TTLL5: variants seen among roughly 807,000 people sequenced by gnomAD.
The protein encoded by TTLL5 is tubulin tyrosine ligase like 5.
TTLL5 carries 132 observed loss-of-function variants against 168.4 expected under a neutral mutation model. The ratio of observed to expected loss-of-function variants is 0.78; its 90% CI spans 0.68 to 0.91. The LOEUF is 0.91. Among genes scored for constraint, TTLL5 ranks in the 40% least tolerant of loss-of-function variants. TTLL5 has a pLI of 0.00. For missense variants in TTLL5, 1,545 were observed against 1,581.5 expected, an observed-to-expected ratio of 0.98 and a Z score of 0.39; for synonymous variants, 546 against 558.6, an observed-to-expected ratio of 0.98 and a Z score of 0.32.
chr14:75,873,346 T>C (rs2031204095), intron 29 of TTLL5, among the ~76,000 whole-genome samples: 2 of 152,172 alleles, frequency 1.3e-5, no homozygotes, highest in South Asian at 4.1e-4. Context: ...AGTGCTGGGA[T>C]TACAGGTGTG....
At chr14:75,951,917 A>G (rs1221100303) in intron 31 of TTLL5, among the ~76,000 whole-genome samples, 2 of 152,224 alleles carry the variant, frequency 1.3e-5, no homozygotes, top group Non-Finnish European at 2.9e-5. Context: ...ATAAGCAACA[A>G]AAGAAGAAAA....
intron 28 of TTLL5, among the ~76,000 whole-genome samples, chr14:75,831,818 T>C (rs901886483): frequency 6.6e-6 from 1 of 152,200 alleles, no homozygotes. Flanking sequence ...GCTTGGCTGT[T>C]GGGAGGGCAA....
chr14:75,772,267 C>T (rs1891381019), intron 21 of TTLL5, among the ~76,000 whole-genome samples: 1 of 152,158 alleles, frequency 6.6e-6, no homozygotes, highest in Admixed American at 6.5e-5. Context: ...AAACAAAGAC[C>T]TCGAGAAGCC....
chr14:75,948,309 A>G (rs1415205184), intron 31 of TTLL5, among the ~76,000 whole-genome samples: 1 of 151,956 alleles, frequency 6.6e-6, no homozygotes, highest in East Asian at 1.9e-4. Context: ...ACATGCTGAA[A>G]CCCTGTCTCT....
chr14:75,854,577 A>G (rs533100829), intron 28 of TTLL5, among the ~76,000 whole-genome samples: 27 of 152,342 alleles, frequency 1.8e-4, no homozygotes, highest in African/African-American at 6.0e-4. Context: ...TAACTTTATA[A>G]GAAACTGACC....
At chr14:75,882,540 A>G (rs2031874100) in intron 29 of TTLL5, 145 bp from the exon 30 acceptor site, 2 of 660,600 alleles carry the variant, frequency 3.0e-6, no homozygotes, top group Non-Finnish European at 5.0e-6. Context: ...TGCACTGGCA[A>G]CATTAGAGAA....
chr14:75,721,674 G>A (rs1441424124), intron 12 of TTLL5, among the ~76,000 whole-genome samples: 2 of 152,210 alleles, frequency 1.3e-5, no homozygotes, highest in Non-Finnish European at 2.9e-5. Flanking sequence ...TAATGGTGGT[G>A]TCTACCTCCT....
rs1198357618 is a variant in TTLL5, at chr14:75,681,530, T to C, written c.182-15T>C. On this transcript the variant is annotated splice_polypyrimidine_tract_variant and intron_variant, in intron 3 of 31. Transcript: ENST00000298832. Reference sequence around the variant, plus strand: ...TAACTTTCTAGTTACTGAACTTGATTCTGTTTTTCTTTAGAACGTTATCAT... The same window carrying C: ...TAACTTTCTAGTTACTGAACTTGATCCTGTTTTTCTTTAGAACGTTATCAT... 1 of 1,610,722 alleles carries C rather than the reference T, an allele frequency of 6.2e-7. No individual in the cohort carries two copies. Among genetic ancestry groups the C allele is most frequent in the East Asian group, 2.2e-5 (1 of 44,852 alleles).
At chr14:75,870,446 T>A (rs1566638746) in intron 29 of TTLL5, among the ~76,000 whole-genome samples, 1 of 151,496 alleles carries the variant, frequency 6.6e-6, no homozygotes, top group Non-Finnish European at 1.5e-5. Flanking sequence ...CTTAATAAGG[T>A]GTTCTTGGGC....
chr14:75,846,078 C>T (rs151213793), intron 28 of TTLL5, among the ~76,000 whole-genome samples: 1 of 152,284 alleles, frequency 6.6e-6, no homozygotes, highest in East Asian at 1.9e-4. Context: ...ATGCCAATTC[C>T]ATAGAGAAGC....
intron 26 of TTLL5, among the ~76,000 whole-genome samples, chr14:75,785,371 G>A (rs1458648450): frequency 6.6e-6 from 1 of 151,850 alleles, no homozygotes; most frequent in Non-Finnish European, 1.5e-5. Flanking sequence ...GTAGAGGTGG[G>A]GTTTCACCAT....
intron 31 of TTLL5, among the ~76,000 whole-genome samples, chr14:75,945,267 AT>A (rs988872116): frequency 1.3e-5 from 2 of 148,468 alleles, no homozygotes; most frequent in East Asian, 2.0e-4. Flanking sequence ...ATAAAAAAAA[AT>A]TTTTTTTGAG....
chr14:75,814,770 C>A (rs940880182), intron 27 of TTLL5: 1 of 152,170 alleles, frequency 6.6e-6, no homozygotes, highest in East Asian at 1.9e-4. Flanking sequence ...TTAGCCAGAT[C>A]TGATTGAGAG....
chr14:75,728,434 G>A (rs935984426), intron 12 of TTLL5, among the ~76,000 whole-genome samples: 2 of 151,960 alleles, frequency 1.3e-5, no homozygotes, highest in African/African-American at 2.4e-5. Flanking sequence ...GAGATTTGGT[G>A]ATATCTTGTA....
intron 29 of TTLL5, among the ~76,000 whole-genome samples, chr14:75,865,919 T>A (rs1056423223): frequency 4.6e-5 from 7 of 152,192 alleles, no homozygotes; most frequent in Admixed American, 4.6e-4. Context: ...AGAAAATCAT[T>A]CATCATAATT....
At chr14:75,944,246 C>T (rs918330699) in intron 31 of TTLL5, among the ~76,000 whole-genome samples, 24 of 152,164 alleles carry the variant, frequency 1.6e-4, no homozygotes, top group African/African-American at 4.6e-4. Context: ...TACCTTCCGC[C>T]GGTAACATAC....
At chr14:75,791,105 C>CAAAAA (rs372035829) in intron 26 of TTLL5, among the ~76,000 whole-genome samples, 1,663 of 76,732 alleles carry the variant, frequency 0.022, 116 homozygotes, top group Middle Eastern at 0.069. Flanking sequence ...GACTCTGTCT[C>CAAAAA]AAAAAAAAAA....
At chr14:75,861,859 C>T (rs2030031767) in intron 28 of TTLL5, among the ~76,000 whole-genome samples, 2 of 152,178 alleles carry the variant, frequency 1.3e-5, no homozygotes, top group African/African-American at 4.8e-5. Context: ...ATATATTTAG[C>T]ATAAAATTTA....
chr14:75,771,462 C>G (rs1891309053), intron 20 of TTLL5, among the ~76,000 whole-genome samples: 1 of 152,056 alleles, frequency 6.6e-6, no homozygotes, highest in South Asian at 2.1e-4. Context: ...AGTAAGAAAT[C>G]TAATTTTCTA....
Sources: allele counts gnomAD v4.1 joint callset (sites outside exome capture counted in the v4.1 genomes callset), GRCh38; gene constraint gnomAD v4.1.1; transcripts MANE v1.5; gene names NCBI Gene and HGNC (gene_info 2026-07-23, HGNC 2026-07-21).